The following CAMK1D variants were observed in gnomAD, a reference collection of about 807,000 sequenced individuals.
CAMK1D encodes the protein calcium/calmodulin dependent protein kinase ID.
Under a neutral mutation model 47.7 loss-of-function variants are expected in CAMK1D, and 9 were observed. The ratio of observed to expected loss-of-function variants is 0.19; its 90% CI spans 0.11 to 0.33. CAMK1D has a LOEUF of 0.33. CAMK1D is among the 10% of genes least tolerant of loss of function. The pLI, the probability that CAMK1D is intolerant of heterozygous loss-of-function variation, is 1.00. For synonymous variants in CAMK1D, 184 were observed against 184.9 expected (o/e 0.99, Z 0.04); for missense variants, 291 against 488.7 (o/e 0.60, Z 3.81).
chr10:12,828,317 T>C (rs902603776), intron 10 of CAMK1D, among the ~76,000 whole-genome samples: 2 of 151,872 alleles, frequency 1.3e-5, no homozygotes, highest in African/African-American at 4.8e-5. Flanking sequence ...TTCCCACAGG[T>C]AGGTAAAAAT....
At chr10:12,443,372 TA>T (rs1832838819) in intron 1 of CAMK1D, among the ~76,000 whole-genome samples, 1 of 152,042 alleles carries the variant, frequency 6.6e-6, no homozygotes, top group Non-Finnish European at 1.5e-5. Context: ...GAAACAAGGA[TA>T]GAAGCTTGTA....
chr10:12,739,065 C>T (rs1009405467), intron 3 of CAMK1D, among the ~76,000 whole-genome samples: 3 of 151,404 alleles, frequency 2.0e-5, no homozygotes, highest in Admixed American at 6.6e-5. Flanking sequence ...GGGGAAACCT[C>T]GTTTCTGCAA....
rs937610968 is a variant in CAMK1D, at chr10:12,814,190, C to T, written c.642-5C>T. ...TTCCAGCTTTTACTCCATTTTGTCT[C>T]CTAGGCTCTGCGGCTACCCTCCTTT... On this transcript the variant is annotated splice_region_variant and splice_polypyrimidine_tract_variant and intron_variant, in intron 6 of 10. Transcript: ENST00000619168. 6.9e-6 allele frequency: 11 copies of T among 1,599,718 alleles called. No individual in the cohort carries two copies. Among genetic ancestry groups the T allele is most frequent in the Non-Finnish European group, 8.6e-6 (10 of 1,166,932 alleles).
intron 1 of CAMK1D, among the ~76,000 whole-genome samples, chr10:12,406,391 A>G (rs1401155238): frequency 1.3e-5 from 2 of 152,048 alleles, no homozygotes; most frequent in African/African-American, 4.8e-5. Flanking sequence ...TATCTGGCAA[A>G]AGCTTTTTAT....
intron 3 of CAMK1D, among the ~76,000 whole-genome samples, chr10:12,703,658 C>T (rs1833615554): frequency 6.6e-6 from 1 of 152,152 alleles, no homozygotes. Flanking sequence ...CACCTGAGGT[C>T]AGGAGTTCGA....
At chr10:12,636,213 T>C (rs1475048297) in intron 2 of CAMK1D, among the ~76,000 whole-genome samples, 1 of 152,234 alleles carries the variant, frequency 6.6e-6, no homozygotes, top group Non-Finnish European at 1.5e-5. Context: ...TGCTAGCAGG[T>C]ATGTTTTAGT....
At chr10:12,700,680 C>A (rs1833484932) in intron 3 of CAMK1D, among the ~76,000 whole-genome samples, 1 of 152,268 alleles carries the variant, frequency 6.6e-6, no homozygotes, top group Middle Eastern at 3.4e-3. Flanking sequence ...AGAGAAAGGA[C>A]CCTTGTTGAC....
intron 8 of CAMK1D, among the ~76,000 whole-genome samples, chr10:12,822,561 G>A (rs981659783): frequency 2.6e-5 from 4 of 152,174 alleles, no homozygotes; most frequent in African/African-American, 9.7e-5. Context: ...GAGTCTCCCC[G>A]ACCCCAGCAC....
chr10:12,488,098 T>C (rs1415511644), intron 1 of CAMK1D, among the ~76,000 whole-genome samples: 2 of 152,148 alleles, frequency 1.3e-5, no homozygotes, highest in Non-Finnish European at 2.9e-5. Flanking sequence ...TCACTCTAAG[T>C]AGAAGAGACT....
At chr10:12,351,283 C>T (rs1837348795) in intron 1 of CAMK1D, among the ~76,000 whole-genome samples, 1 of 152,120 alleles carries the variant, frequency 6.6e-6, no homozygotes, top group Admixed American at 6.6e-5. Context: ...GGAATGAAAA[C>T]AGAAAAAGAT....
chr10:12,558,899 G>A (rs756815141), intron 2 of CAMK1D, among the ~76,000 whole-genome samples: 9 of 152,136 alleles, frequency 5.9e-5, no homozygotes, highest in South Asian at 4.1e-4. Flanking sequence ...GCATGTTTTC[G>A]TCTATCTGGG....
rs575784720 is a variant in CAMK1D at position 12,723,006 on chromosome 10, G to A, written c.300-37942G>A. On this transcript the variant is annotated intron_variant, in intron 3 of 10. Transcript: ENST00000619168. ...GGAATTTGAGTGTAGATGGGAAAAG[G>A]CAGAAAGGAAGGTGTTCCGGAGTCC... is the stretch of plus-strand genomic sequence containing the variant. Among the ~76,000 whole-genome samples, 6 of 152,142 alleles carry A rather than the reference G, an allele frequency of 3.9e-5. No individual in the cohort carries two copies. In the South Asian group the frequency reaches 1.2e-3, roughly 32 times the overall value.
At chr10:12,531,412 C>T (rs945713127) in intron 1 of CAMK1D, among the ~76,000 whole-genome samples, 3 of 152,220 alleles carry the variant, frequency 2.0e-5, no homozygotes, top group South Asian at 2.1e-4. Context: ...AAATTACCAA[C>T]GTCAGAAGGT....
intron 2 of CAMK1D, among the ~76,000 whole-genome samples, chr10:12,586,761 A>G (rs1373790391): frequency 6.6e-6 from 1 of 152,202 alleles, no homozygotes; most frequent in East Asian, 1.9e-4. Context: ...AAAACTTAAA[A>G]TCATAAAAAA....
intron 1 of CAMK1D, among the ~76,000 whole-genome samples, chr10:12,526,637 G>T (rs1835630400): frequency 6.6e-6 from 1 of 152,150 alleles, no homozygotes; most frequent in South Asian, 2.1e-4. Flanking sequence ...ATAATCAGAG[G>T]CTGGGTGTGG....
intron 4 of CAMK1D, among the ~76,000 whole-genome samples, chr10:12,764,024 C>T (rs1450183113): frequency 6.6e-6 from 1 of 152,154 alleles, no homozygotes; most frequent in Non-Finnish European, 1.5e-5. Flanking sequence ...CTGCCTCTCC[C>T]CCACCGTCTT....
At chr10:12,617,233 C>G (rs2132428795) in intron 2 of CAMK1D, among the ~76,000 whole-genome samples, 1 of 152,302 alleles carries the variant, frequency 6.6e-6, no homozygotes, top group South Asian at 2.1e-4. Flanking sequence ...AGCTGATTAA[C>G]TGGTGCTGTT....
chr10:12,693,810 G>A (rs1467355396), intron 3 of CAMK1D, among the ~76,000 whole-genome samples: 2 of 144,928 alleles, frequency 1.4e-5, no homozygotes, highest in African/African-American at 2.6e-5. Context: ...TTGAGCTCAG[G>A]AATTGGAGGC....
At chr10:12,464,053 T>C (rs1208189063) in intron 1 of CAMK1D, among the ~76,000 whole-genome samples, 1 of 152,190 alleles carries the variant, frequency 6.6e-6, no homozygotes, top group Non-Finnish European at 1.5e-5. Flanking sequence ...CTTTCCTTTA[T>C]AAATCACTCA....
Sources: gnomAD v4.1 joint callset for allele counts (sites outside exome capture counted in the v4.1 genomes callset) on GRCh38, gnomAD v4.1.1 for gene constraint, MANE v1.5 for transcripts, NCBI Gene and HGNC (gene_info 2026-07-23, HGNC 2026-07-21) for gene names.